OXNAD1: variants seen among roughly 807,000 people sequenced by gnomAD.
OXNAD1 encodes oxidoreductase NAD-binding domain-containing protein 1.
In OXNAD1, 34 loss-of-function variants were observed where a neutral mutation model predicts 32.9. That is an observed-to-expected ratio of 1.03 (90% CI 0.79 to 1.38). The LOEUF (loss-of-function observed/expected upper bound fraction) is 1.38. Ranked by LOEUF, OXNAD1 falls within the 40% of genes most tolerant of loss-of-function variation. The probability of loss-of-function intolerance (pLI) is 0.00; values close to 1 mark genes in which losing one functional copy is unlikely to be tolerated. For synonymous variants in OXNAD1, 134 were observed against 135.2 expected (o/e 0.99, Z 0.06); for missense variants, 407 against 379.4 (o/e 1.07, Z -0.60).
At chr3:16,343,745 C>T (rs887695665) in intron 9 of OXNAD1, among the ~76,000 whole-genome samples, 1 of 152,196 alleles carries the variant, frequency 6.6e-6, no homozygotes, top group Non-Finnish European at 1.5e-5. Flanking sequence ...ACAAAAGGAA[C>T]TAATGTGGAT....
chr3:16,295,954 T>G (rs767407465), intron 6 of OXNAD1, among the ~76,000 whole-genome samples: 1 of 152,176 alleles, frequency 6.6e-6, no homozygotes, highest in Non-Finnish European at 1.5e-5. Context: ...AGGAGCCACA[T>G]GGAAATAAGT....
downstream of OXNAD1, among the ~76,000 whole-genome samples, chr3:16,307,693 A>G (rs533045632): frequency 6.6e-6 from 1 of 152,354 alleles, no homozygotes; most frequent in East Asian, 1.9e-4. Flanking sequence ...AAGTGGGGTC[A>G]AGAGAACATT....
intron 4 of OXNAD1, among the ~76,000 whole-genome samples, chr3:16,272,647 CTTTTTTTTTTT>C (rs35628992): frequency 7.1e-5 from 8 of 112,758 alleles, no homozygotes; most frequent in Non-Finnish European, 1.1e-4. Context: ...GCTTAAAGTT[CTTTTTTTTTTT>C]TTTTTTTTTG....
Position 16,299,296 on chromosome 3 carries a change from A to G in OXNAD1, c.433-2330A>G, listed in dbSNP as rs574907826. 6.6e-6 allele frequency among the ~76,000 whole-genome samples: 1 copy of G among 152,334 alleles called. No individual in the cohort carries two copies. Among genetic ancestry groups the G allele is most frequent in the South Asian group, 2.1e-4 (1 of 4,828 alleles). On this transcript the variant is annotated intron_variant, in intron 6 of 8. Transcript: ENST00000285083. This position sits in a 1 kb window ranked among gnomAD's most constrained non-coding sequence, Gnocchi z 4.4. ...GTCATCGTTAGGCAGAGCCTCTTGT[A>G]TCTTAAATTCTATTTTTGAGACTTG...
chr3:16,327,093 A>G lies in OXNAD1; in HGVS notation c.*31-10019A>G, dbSNP rs146192699. ...CTTCTGGGCCCCATTTCAGTCTGTGATGTCAGCAAGGAATTACAGCCAAAA... is the reference window on the plus strand; with the variant it reads ...CTTCTGGGCCCCATTTCAGTCTGTGGTGTCAGCAAGGAATTACAGCCAAAA... On this transcript the variant is annotated intron_variant, in intron 9 of 9. Transcript: ENST00000435829. This position sits in a 1 kb window ranked among gnomAD's most constrained non-coding sequence, Gnocchi z 4.2. 1.3e-3 allele frequency among the ~76,000 whole-genome samples: 204 copies of G among 152,340 alleles called. No homozygotes were observed. The highest frequency in any genetic ancestry group is 4.7e-3 in the African/African-American group (197 of 41,574).
rs1414097499 is a variant in OXNAD1, at chr3:16,289,030, G to C, written c.290+2582G>C. 6.6e-6 allele frequency among the ~76,000 whole-genome samples: 1 copy of C among 152,204 alleles called. No individual in the cohort carries two copies. The highest frequency in any genetic ancestry group is 1.5e-5 in the Non-Finnish European group (1 of 68,040). ...ACCAGCCAGCTCTGTGATGTGGTCA[G>C]TTTCCTTATTTGTCTGGGCTTCAGT... is the stretch of plus-strand genomic sequence containing the variant. On this transcript the variant is annotated intron_variant, in intron 5 of 8. Transcript: ENST00000285083. This position sits in a 1 kb window ranked among gnomAD's most constrained non-coding sequence, Gnocchi z 4.9.
rs773481491 is a variant in OXNAD1, at chr3:16,329,090, T to C, written c.*31-8022T>C. 6.6e-6 allele frequency among the ~76,000 whole-genome samples: 1 copy of C among 152,148 alleles called. No homozygotes were observed. Among genetic ancestry groups the C allele is most frequent in the Non-Finnish European group, 1.5e-5 (1 of 68,030 alleles). On this transcript the variant is annotated intron_variant, in intron 9 of 9. Coordinates refer to the OXNAD1 transcript ENST00000435829. The surrounding 1 kb of genome is among the most constrained non-coding windows in gnomAD (Gnocchi z 4.5). ...GTTTAGGTCAGAAGGGCTCCACTCTTGTGAATGGGTTAATGCCAACTCAGG... is the reference window on the plus strand; with the variant it reads ...GTTTAGGTCAGAAGGGCTCCACTCTCGTGAATGGGTTAATGCCAACTCAGG...
chr3:16,326,959 A>T, intron 9 of OXNAD1: 1 of 1,024,208 alleles, frequency 9.8e-7, no homozygotes, highest in Non-Finnish European at 1.5e-6. Flanking sequence ...CAGTCTGCCA[A>T]TCCGCAAAAC....
intron 9 of OXNAD1, chr3:16,347,996 C>T (rs1437976721): frequency 1.3e-5 from 2 of 152,168 alleles, no homozygotes; most frequent in African/African-American, 4.8e-5. Context: ...ATCCCGTGAC[C>T]AGCGGCTCAG....
chr3:16,332,542 A>G (rs1280970111), intron 9 of OXNAD1, among the ~76,000 whole-genome samples: 1 of 152,056 alleles, frequency 6.6e-6, no homozygotes, highest in Non-Finnish European at 1.5e-5. Flanking sequence ...GAGATGGGGA[A>G]CTAGGGATCT....
Position 16,348,421 on chromosome 3 carries a change from C to G in OXNAD1, c.*31-755C>G, listed in dbSNP as rs1037315308. Among the ~76,000 whole-genome samples, 1 of 152,120 alleles carries G rather than the reference C, an allele frequency of 6.6e-6. No individual in the cohort carries two copies. The highest frequency in any genetic ancestry group is 1.5e-5 in the Non-Finnish European group (1 of 68,022). ...AGCTGGCCTCTGCTCCTGTCACTTC[C>G]CACAGCAGGAAGCCCCCACACTCAA... On this transcript the variant is annotated intron_variant, in intron 9 of 9. Transcript: ENST00000606098. The surrounding 1 kb of genome is among the most constrained non-coding windows in gnomAD (Gnocchi z 6.3).
At position 16,312,880 on chromosome 3, in the gene OXNAD1, G is replaced by C. The variant is rs1000169541; in HGVS notation, c.*30+9288G>C. On this transcript the variant is annotated intron_variant, in intron 9 of 9. Coordinates refer to the OXNAD1 transcript ENST00000435829. The surrounding 1 kb of genome is among the most constrained non-coding windows in gnomAD (Gnocchi z 4.7). Reference sequence around the variant, plus strand: ...AAAATCTGACAGGCATTTGACTAATGTTTACCTTTTTGTTACTTATAAACC... The same window carrying C: ...AAAATCTGACAGGCATTTGACTAATCTTTACCTTTTTGTTACTTATAAACC... Among the ~76,000 whole-genome samples the C allele has an allele frequency of 6.6e-6, 1 of 152,114 alleles. No homozygotes were observed. The highest frequency in any genetic ancestry group is 6.5e-5 in the Admixed American group (1 of 15,278).
chr3:16,299,477 A>G lies in OXNAD1; in HGVS notation c.433-2149A>G. Among the ~76,000 whole-genome samples, 1 of 152,242 alleles carries G rather than the reference A, an allele frequency of 6.6e-6. No individual in the cohort carries two copies. Among genetic ancestry groups the G allele is most frequent in the Non-Finnish European group, 1.5e-5 (1 of 68,044 alleles). On this transcript the variant is annotated intron_variant, in intron 6 of 8. Coordinates refer to ENST00000285083, the MANE Select transcript of OXNAD1 (RefSeq NM_138381.5). This position sits in a 1 kb window ranked among gnomAD's most constrained non-coding sequence, Gnocchi z 4.4. ...TGTAAAAATCTCCCACATATTTAAAATAGTGAGGTTCAGACATTTTTTCCC... is the reference window on the plus strand; with the variant it reads ...TGTAAAAATCTCCCACATATTTAAAGTAGTGAGGTTCAGACATTTTTTCCC...
chr3:16,336,267 C>T lies in OXNAD1; in HGVS notation c.*31-845C>T, dbSNP rs550707996. 6.6e-6 allele frequency among the ~76,000 whole-genome samples: 1 copy of T among 152,234 alleles called. No individual in the cohort carries two copies. The highest frequency in any genetic ancestry group is 1.5e-5 in the Non-Finnish European group (1 of 68,046). On this transcript the variant is annotated intron_variant, in intron 9 of 9. Coordinates refer to the OXNAD1 transcript ENST00000435829. This position sits in a 1 kb window ranked among gnomAD's most constrained non-coding sequence, Gnocchi z 6.0. ...TTCATGAATCTCACATTCAGTCAGC[C>T]TGGCTCTGTCTGTGCCACTTGGGAA...
At position 16,271,817 on chromosome 3, in the gene OXNAD1, C is replaced by T. The variant is rs548888143; in HGVS notation, c.183+95C>T. ...GGTAAAGCATTAGATGAGTCTGGTC[C>T]TTTTGAAGGAGAGTTGGGAAGTTTG... On this transcript the variant is annotated intron_variant, in intron 4 of 8. Coordinates refer to ENST00000285083, the MANE Select transcript of OXNAD1 (RefSeq NM_138381.5). This position sits in a 1 kb window ranked among gnomAD's most constrained non-coding sequence, Gnocchi z 4.6. 1.1e-5 allele frequency: 11 copies of T among 1,029,274 alleles called. No individual in the cohort carries two copies. The highest frequency in any genetic ancestry group is 8.3e-5 in the African/African-American group (5 of 60,536). 63.8% of individuals were successfully genotyped at this position (1,029,274 alleles called of 1,614,324 possible). A position where few individuals can be genotyped will look rare whatever the true frequency, so the allele number is the denominator to read the frequency against.
downstream of OXNAD1, among the ~76,000 whole-genome samples, chr3:16,351,674 G>T (rs2072111955): frequency 6.6e-6 from 1 of 152,060 alleles, no homozygotes; most frequent in African/African-American, 2.4e-5. The surrounding 1 kb of genome is among the most constrained non-coding windows in gnomAD (Gnocchi z 5.4). Context: ...GCACTTCAGG[G>T]GTAAGCTGTA....
In OXNAD1 at chr3:16,297,393, T is replaced by C. The variant is rs1260820276; in HGVS notation, c.432+2396T>C. ...TGGAACTCTCATATATTGCTTATAT[T>C]GCTAGTGGGAATGCAAAATAGTACA... On this transcript the variant is annotated intron_variant, in intron 6 of 8. Transcript: ENST00000285083. This position sits in a 1 kb window ranked among gnomAD's most constrained non-coding sequence, Gnocchi z 4.3. 6.6e-6 allele frequency among the ~76,000 whole-genome samples: 1 copy of C among 152,202 alleles called. No homozygotes were observed. Among genetic ancestry groups the C allele is most frequent in the Non-Finnish European group, 1.5e-5 (1 of 68,032 alleles).
At position 16,337,240 on chromosome 3, in the gene OXNAD1, C is replaced by G. The variant is rs901781552; in HGVS notation, c.*159C>G. On this transcript the variant is annotated 3_prime_UTR_variant, in exon 10 of 10. Coordinates refer to the OXNAD1 transcript ENST00000435829. The surrounding 1 kb of genome is among the most constrained non-coding windows in gnomAD (Gnocchi z 5.0). ...GCTAGCTGTGGTCCACCCATCAGCGCCTGCAGGCACATGCTGAGATTAGTC... is the reference window on the plus strand; with the variant it reads ...GCTAGCTGTGGTCCACCCATCAGCGGCTGCAGGCACATGCTGAGATTAGTC... The G allele has an allele frequency of 1.3e-5, 2 of 152,184 alleles. No homozygotes were observed. Among genetic ancestry groups the G allele is most frequent in the Admixed American group, 6.5e-5 (1 of 15,284 alleles). The allele number at this position is 152,184 out of a possible 1,614,324, so 9.4% of individuals were successfully genotyped here. A position where few individuals can be genotyped will look rare whatever the true frequency, so the allele number is the denominator to read the frequency against.
At chr3:16,307,729 T>G (rs1223013084), downstream of OXNAD1, among the ~76,000 whole-genome samples, 4 of 84,548 alleles carry the variant, frequency 4.7e-5, no homozygotes, top group Non-Finnish European at 8.8e-5. Context: ...GTTGTTTTAT[T>G]TTTTAAACTT....
Sources: gnomAD v4.1 joint callset for allele counts (sites outside exome capture counted in the v4.1 genomes callset) on GRCh38, gnomAD v4.1.1 for gene constraint, Gnocchi (gnomAD v3.1) non-coding constraint, MANE v1.5 for transcripts, NCBI Gene and HGNC (gene_info 2026-07-23, HGNC 2026-07-21) for gene names.